Variants in CLIC5 observed in about 807,000 individuals in gnomAD.
CLIC5 encodes the protein chloride intracellular channel protein 5.
In CLIC5, 20 loss-of-function variants were observed where a neutral mutation model predicts 24.7. The observed-to-expected ratio is 0.81, with a 90% CI of 0.57 to 1.18. The LOEUF (loss-of-function observed/expected upper bound fraction) is 1.18. Ranked by LOEUF, CLIC5 falls within the 50% of genes most tolerant of loss-of-function variation. The probability of loss-of-function intolerance (pLI) is 0.00; values close to 1 mark genes in which losing one functional copy is unlikely to be tolerated. For missense variants in CLIC5, 341 were observed against 326.1 expected, an observed-to-expected ratio of 1.05 and a Z score of -0.35; for synonymous variants, 159 against 135.6, an observed-to-expected ratio of 1.17 and a Z score of -1.20.
At position 45,906,799 on chromosome 6, in the gene CLIC5, C is replaced by T. The variant is rs578152398; in HGVS notation, c.589-3544G>A. Among the ~76,000 whole-genome samples, 140 of 152,234 alleles carry T rather than the reference C, an allele frequency of 9.2e-4. 1 individual carries two copies. Among genetic ancestry groups the T allele is most frequent in the Middle Eastern group, 6.8e-3 (2 of 294 alleles). On this transcript the variant is annotated intron_variant, in intron 5 of 5. Coordinates refer to ENST00000339561, the MANE Select transcript of CLIC5 (RefSeq NM_016929.5). The stretch of plus-strand genomic sequence containing the variant: ...CTGGTCTCGAACTCCCGACCTCAGT[C>T]GATCCGCCTGCCTCAGCCTCCCAAA...
chr6:46,010,399 G>A (rs1234574233), intron 1 of CLIC5, among the ~76,000 whole-genome samples: 1 of 152,166 alleles, frequency 6.6e-6, no homozygotes, highest in East Asian at 1.9e-4. Flanking sequence ...CTGTGGTCCA[G>A]AGAGGTCAAG....
At chr6:46,113,987 G>C in the CLIC5 span, among the ~76,000 whole-genome samples, 2 of 152,152 alleles carry the variant, frequency 1.3e-5, no homozygotes, top group Non-Finnish European at 2.9e-5. Context: ...AGTCATTTTG[G>C]GAGAAAGATT....
At chr6:46,000,046 G>A (rs1212627026) in intron 1 of CLIC5, among the ~76,000 whole-genome samples, 1 of 25,638 alleles carries the variant, frequency 3.9e-5, no homozygotes, top group African/African-American at 1.7e-4. Flanking sequence ...CACCGCGCCC[G>A]GCCTTCCTTG....
chr6:46,001,129 C>A (rs1055982721), intron 1 of CLIC5, among the ~76,000 whole-genome samples: 3 of 152,140 alleles, frequency 2.0e-5, no homozygotes, highest in African/African-American at 7.2e-5. Flanking sequence ...CCTAGATAAG[C>A]CTCTTATCAT....
intron 1 of CLIC5, among the ~76,000 whole-genome samples, chr6:46,058,662 T>C (rs1768329538): frequency 6.6e-6 from 1 of 152,150 alleles, no homozygotes; most frequent in Non-Finnish European, 1.5e-5. Context: ...ATAGTGGAGG[T>C]GAACTTGTGT....
intron 1 of CLIC5, among the ~76,000 whole-genome samples, chr6:46,073,629 A>T (rs1461158302): frequency 2.0e-5 from 3 of 152,200 alleles, no homozygotes; most frequent in Non-Finnish European, 2.9e-5. Flanking sequence ...TCCTCAGAAC[A>T]TTCTATTACT....
intron 1 of CLIC5, among the ~76,000 whole-genome samples, chr6:46,023,239 T>C (rs1197603038): frequency 1.3e-5 from 2 of 152,192 alleles, no homozygotes; most frequent in Admixed American, 1.3e-4. Context: ...AGTTAACATT[T>C]GCTTAGAGCT....
chr6:45,971,236 C>A (rs1315397076), intron 1 of CLIC5, among the ~76,000 whole-genome samples: 1 of 152,178 alleles, frequency 6.6e-6, no homozygotes, highest in Non-Finnish European at 1.5e-5. Context: ...TGTGAAAATG[C>A]ATTTCCAGTT....
At chr6:46,012,713 C>G (rs890846670) in intron 1 of CLIC5, among the ~76,000 whole-genome samples, 41 of 152,142 alleles carry the variant, frequency 2.7e-4, no homozygotes, top group African/African-American at 8.9e-4. Context: ...GGCATTTTAC[C>G]TACTTTCTGT....
downstream of CLIC5, among the ~76,000 whole-genome samples, chr6:45,896,389 G>A (rs1292883831): frequency 3.3e-5 from 5 of 152,112 alleles, no homozygotes; most frequent in Non-Finnish European, 7.4e-5. Context: ...CATAGACAAG[G>A]AGCCTTCATA....
downstream of CLIC5, among the ~76,000 whole-genome samples, chr6:45,898,044 T>C (rs1263092667): frequency 5.9e-5 from 9 of 152,190 alleles, no homozygotes; most frequent in Admixed American, 5.9e-4. Flanking sequence ...CTTCCTCTTT[T>C]CCATTTGCTT....
At chr6:46,106,603 C>T in the CLIC5 span, among the ~76,000 whole-genome samples, 1 of 152,240 alleles carries the variant, frequency 6.6e-6, no homozygotes, top group Admixed American at 6.5e-5. Context: ...AGATTGGTCT[C>T]CAAAATATGA....
chr6:45,915,673 C>T (rs1763002791), intron 4 of CLIC5, among the ~76,000 whole-genome samples: 1 of 152,228 alleles, frequency 6.6e-6, no homozygotes, highest in African/African-American at 2.4e-5. Context: ...AAGGCTTTTA[C>T]AGTCTTGGTC....
chr6:45,906,163 CT>C (rs1338024319), intron 5 of CLIC5, among the ~76,000 whole-genome samples: 11 of 152,092 alleles, frequency 7.2e-5, no homozygotes, highest in African/African-American at 1.7e-4. Context: ...CAGCTTTGTT[CT>C]TTTTGCGTAG....
At chr6:46,030,466 T>C (rs576640175) in intron 1 of CLIC5, among the ~76,000 whole-genome samples, 2 of 152,276 alleles carry the variant, frequency 1.3e-5, no homozygotes, top group African/African-American at 4.8e-5. Flanking sequence ...ATCCCTCAAA[T>C]CCATCCTTCT....
intron 1 of CLIC5, among the ~76,000 whole-genome samples, chr6:46,068,646 T>A (rs1244716728): frequency 6.6e-6 from 1 of 152,110 alleles, no homozygotes; most frequent in Admixed American, 6.6e-5. Context: ...GCATTTAAGA[T>A]AGGGTCTTTA....
the CLIC5 span, among the ~76,000 whole-genome samples, chr6:46,107,025 AC>A: frequency 6.6e-6 from 1 of 152,232 alleles, no homozygotes; most frequent in South Asian, 2.1e-4. Context: ...TATTGTCCCA[AC>A]TTAATTTATA....
chr6:45,982,986 A>G (rs1765616081), intron 1 of CLIC5, among the ~76,000 whole-genome samples: 1 of 152,206 alleles, frequency 6.6e-6, no homozygotes. Context: ...ATTCAAGCAT[A>G]AGGTGAATTA....
intron 1 of CLIC5, among the ~76,000 whole-genome samples, chr6:46,004,748 C>T (rs1766487965): frequency 6.6e-6 from 1 of 151,864 alleles, no homozygotes; most frequent in African/African-American, 2.4e-5. Flanking sequence ...TCACAAAGTA[C>T]CTGAATGAGG....
Sources: gnomAD v4.1 joint callset for allele counts (sites outside exome capture counted in the v4.1 genomes callset) on GRCh38, gnomAD v4.1.1 for gene constraint, MANE v1.5 for transcripts, NCBI Gene and HGNC (gene_info 2026-07-23, HGNC 2026-07-21) for gene names.